The following TAOK1 variants were observed in gnomAD, a reference collection of about 807,000 sequenced individuals.
TAOK1 encodes the protein TAO kinase 1, also known as serine/threonine-protein kinase TAO1.
A neutral mutation model predicts 138.3 loss-of-function variants in TAOK1; 21 were observed. That is an observed-to-expected ratio of 0.15 (90% CI 0.11 to 0.22). The LOEUF (loss-of-function observed/expected upper bound fraction) is 0.22. TAOK1 is among the 10% of genes least tolerant of loss of function. The pLI, the probability that TAOK1 is intolerant of heterozygous loss-of-function variation, is 1.00. For missense variants in TAOK1, 651 were observed against 1,227.7 expected (o/e 0.53, Z 7.02); for synonymous variants, 361 against 398.4 (o/e 0.91, Z 1.12).
chr17:29,457,253 C>T (rs1489022595), intron 2 of TAOK1, among the ~76,000 whole-genome samples: 2 of 148,444 alleles, frequency 1.3e-5, no homozygotes, highest in African/African-American at 5.2e-5. Context: ...AGGTGCATGC[C>T]ACCATACCTG....
intron 10 of TAOK1, among the ~76,000 whole-genome samples, chr17:29,495,001 G>GT (rs1229576876): frequency 1.3e-5 from 2 of 151,990 alleles, no homozygotes; most frequent in Non-Finnish European, 2.9e-5. Flanking sequence ...TGGTGGAATT[G>GT]TTTTTTTCTA....
intron 13 of TAOK1, among the ~76,000 whole-genome samples, chr17:29,505,258 T>A (rs1369362112): frequency 1.3e-5 from 2 of 152,008 alleles, no homozygotes. Context: ...AATGCACAGA[T>A]CTTAGGTATT....
chr17:29,401,583 C>T (rs1363730306), intron 1 of TAOK1, among the ~76,000 whole-genome samples: 1 of 152,164 alleles, frequency 6.6e-6, no homozygotes, highest in East Asian at 1.9e-4. Flanking sequence ...AGGTCCCTCC[C>T]CCAACTTTGG....
chr17:29,507,082 G>A (rs995314496), intron 13 of TAOK1, among the ~76,000 whole-genome samples: 3 of 152,024 alleles, frequency 2.0e-5, no homozygotes, highest in African/African-American at 4.8e-5. Context: ...TACCAGGAGG[G>A]GAGAATGGAG....
intron 14 of TAOK1, among the ~76,000 whole-genome samples, chr17:29,510,502 T>C (rs2031701914): frequency 6.6e-6 from 1 of 152,358 alleles, no homozygotes; most frequent in East Asian, 1.9e-4. Flanking sequence ...GTAAATATTC[T>C]ACAATGAACA....
At position 29,394,150 on chromosome 17, in the gene TAOK1, G is replaced by GTTTTTTTT. The variant is rs58117433; in HGVS notation, c.-95+3152_-95+3159dup. On this transcript the variant is annotated intron_variant, in intron 1 of 19. Coordinates refer to ENST00000261716, the MANE Select transcript of TAOK1 (RefSeq NM_020791.4). ...TATGATTTATTTTAATAATTTGCCA[G>GTTTTTTTT]TTTTTTTTTTTTTTTTTTTTTTTTT... 6.8e-3 allele frequency among the ~76,000 whole-genome samples: 330 copies of GTTTTTTTT among 48,296 alleles called. 55 individuals carry two copies. The highest frequency in any genetic ancestry group is 8.6e-3 in the Admixed American group (22 of 2,558). 31.7% of individuals were successfully genotyped at this position (48,296 alleles called of 152,430 possible).
At chr17:29,479,686 CT>C (rs1345590725) in intron 6 of TAOK1, among the ~76,000 whole-genome samples, 3 of 152,004 alleles carry the variant, frequency 2.0e-5, no homozygotes, top group Non-Finnish European at 2.9e-5. Flanking sequence ...AAATTCAGCA[CT>C]TTAATTTCTA....
chr17:29,472,958 A>T (rs928729880), intron 3 of TAOK1, among the ~76,000 whole-genome samples: 1 of 152,242 alleles, frequency 6.6e-6, no homozygotes, highest in African/African-American at 2.4e-5. Flanking sequence ...ATTAGCAGGA[A>T]TAAAAACAAC....
chr17:29,501,423 CAA>C (rs34004946), intron 12 of TAOK1, among the ~76,000 whole-genome samples: 528 of 108,982 alleles, frequency 4.8e-3, no homozygotes, highest in Middle Eastern at 0.013. Context: ...GACCCTGTCT[CAA>C]AAAAAAAAAA....
chr17:29,417,763 G>A (rs1034227360), intron 1 of TAOK1, among the ~76,000 whole-genome samples: 12 of 152,226 alleles, frequency 7.9e-5, no homozygotes, highest in African/African-American at 2.4e-4. Flanking sequence ...GGCACCTGCC[G>A]CCCTTTCCCC....
At chr17:29,477,625 A>C (rs2030974875) in intron 4 of TAOK1, 36 bp from the exon 5 acceptor site, 1 of 1,137,594 alleles carries the variant, frequency 8.8e-7, no homozygotes, top group South Asian at 3.0e-5. Flanking sequence ...TCTTTATAAT[A>C]ATATATTTTA....
At chr17:29,511,626 G>A (rs1244324681) in intron 15 of TAOK1, 1 of 152,206 alleles carries the variant, frequency 6.6e-6, no homozygotes, top group African/African-American at 2.4e-5. Context: ...GCTCACTGCA[G>A]CTTCGACCTC....
At chr17:29,533,184 G>A (rs1219325993) in intron 18 of TAOK1, among the ~76,000 whole-genome samples, 6 of 137,970 alleles carry the variant, frequency 4.3e-5, no homozygotes, top group Admixed American at 7.1e-5. Context: ...GGGCAGAGGC[G>A]CTCCTCACAT....
intron 9 of TAOK1, among the ~76,000 whole-genome samples, chr17:29,490,868 G>C (rs947657337): frequency 1.3e-5 from 2 of 152,158 alleles, no homozygotes; most frequent in African/African-American, 2.4e-5. Context: ...GAGAAACATT[G>C]TGTCCTCACA....
chr17:29,451,690 A>C lies in TAOK1; in HGVS notation c.132+10A>C. On this transcript the variant is annotated intron_variant, in intron 2 of 19. Transcript: ENST00000261716. ...TGGAGCAGTGTATTTTGTAAGTGTT[A>C]GTGGCTTGATGTCAGTGACTAAAAT... The C allele has an allele frequency of 6.2e-7, 1 of 1,609,532 alleles. No individual in the cohort carries two copies. Among genetic ancestry groups the C allele is most frequent in the Non-Finnish European group, 8.5e-7 (1 of 1,178,336 alleles).
chr17:29,549,634 T>G lies in TAOK1; in HGVS notation c.*6612T>G, dbSNP rs2032458311. The G allele has an allele frequency of 6.6e-6, 1 of 152,218 alleles. No homozygotes were observed. The highest frequency in any genetic ancestry group is 1.5e-5 in the Non-Finnish European group (1 of 68,036). 9.4% of individuals were successfully genotyped at this position (152,218 alleles called of 1,614,324 possible). A position where few individuals can be genotyped will look rare whatever the true frequency, so the allele number is the denominator to read the frequency against. Reference sequence around the variant, plus strand: ...CTTTAAAGGATGTAACTGCCCAACATTTGCAGATTCTGGGTGGTCTATGTG... The same window carrying G: ...CTTTAAAGGATGTAACTGCCCAACAGTTGCAGATTCTGGGTGGTCTATGTG... On this transcript the variant is annotated 3_prime_UTR_variant, in exon 20 of 20. Coordinates refer to ENST00000261716, the MANE Select transcript of TAOK1 (RefSeq NM_020791.4).
At chr17:29,503,257 G>A (rs1453153277) in intron 13 of TAOK1, among the ~76,000 whole-genome samples, 1 of 151,916 alleles carries the variant, frequency 6.6e-6, no homozygotes, top group Non-Finnish European at 1.5e-5. Context: ...TTAGCCGGGC[G>A]TGGTGGCAGG....
rs185638313 is a variant in TAOK1 at position 29,482,742 on chromosome 17, A to T, written c.655+454A>T. ...CAGTTTGATATATATATATATACAT[A>T]TTTTTTTTTTTTAAGACGGTAAGGC... On this transcript the variant is annotated intron_variant, in intron 8 of 19. Coordinates refer to ENST00000261716, the MANE Select transcript of TAOK1 (RefSeq NM_020791.4). Among the ~76,000 whole-genome samples the T allele has an allele frequency of 2.9e-3, 426 of 145,584 alleles. 1 individual carries two copies. The highest frequency in any genetic ancestry group is 5.2e-3 in the African/African-American group (206 of 39,928).
At chr17:29,520,889 T>A (rs2031903203) in intron 16 of TAOK1, among the ~76,000 whole-genome samples, 1 of 151,888 alleles carries the variant, frequency 6.6e-6, no homozygotes. Context: ...CCAGGCGTGG[T>A]GGCACATGCC....
Sources: gnomAD v4.1 joint callset for allele counts (sites outside exome capture counted in the v4.1 genomes callset) on GRCh38, gnomAD v4.1.1 for gene constraint, MANE v1.5 for transcripts, NCBI Gene and HGNC (gene_info 2026-07-23, HGNC 2026-07-21) for gene names.